ZNRF1: variants seen among roughly 807,000 people sequenced by gnomAD.
The protein encoded by ZNRF1 is E3 ubiquitin-protein ligase ZNRF1.
In ZNRF1, 3 loss-of-function variants were observed where a neutral mutation model predicts 18.4. That is an observed-to-expected ratio of 0.16 (90% CI 0.07 to 0.42). The LOEUF (loss-of-function observed/expected upper bound fraction) is 0.42. Among genes scored for constraint, ZNRF1 ranks in the 10% least tolerant of loss-of-function variants. The pLI is 0.99. For missense variants in ZNRF1, 310 were observed against 329.8 expected (o/e 0.94, Z 0.47); for synonymous variants, 157 against 144.2 (o/e 1.09, Z -0.64).
At chr16:75,102,578 G>A (rs912818029) in intron 2 of ZNRF1, among the ~76,000 whole-genome samples, 1 of 152,090 alleles carries the variant, frequency 6.6e-6, no homozygotes, top group Non-Finnish European at 1.5e-5. Context: ...TGTTCACGTC[G>A]CCTCTTTTCA....
At chr16:75,010,703 TTTTTTTTG>T (rs1356189504) in intron 1 of ZNRF1, among the ~76,000 whole-genome samples, 1,034 of 42,176 alleles carry the variant, frequency 0.025, 27 homozygotes, top group African/African-American at 0.036. Context: ...ACTGTACTGT[TTTTTTTTG>T]TTTTTTTGTT....
At chr16:75,044,949 A>G (rs1433789528) in intron 1 of ZNRF1, among the ~76,000 whole-genome samples, 5 of 152,218 alleles carry the variant, frequency 3.3e-5, no homozygotes, top group African/African-American at 1.2e-4. Flanking sequence ...CTAATGTTGC[A>G]TAATACTTCC....
At chr16:75,041,953 G>C (rs2035453810) in intron 1 of ZNRF1, among the ~76,000 whole-genome samples, 1 of 152,080 alleles carries the variant, frequency 6.6e-6, no homozygotes, top group Admixed American at 6.6e-5. Flanking sequence ...CTGAGATCAT[G>C]CCACTGCAGT....
chr16:75,104,431 C>CGT lies in ZNRF1; in HGVS notation c.521-346_521-345dup, dbSNP rs1452550506. ...AAACCAGACATCAGCACACTGGCTACGTGTGTGTTTAGGAAAGCATCTGTG... is the reference window on the plus strand; with the variant it reads ...AAACCAGACATCAGCACACTGGCTACGTGTGTGTGTTTAGGAAAGCATCTGTG... On this transcript the variant is annotated intron_variant, in intron 2 of 4. Coordinates refer to ENST00000335325, the MANE Select transcript of ZNRF1 (RefSeq NM_032268.5). The CGT allele has an allele frequency of 4.4e-5, 9 of 203,118 alleles. No individual in the cohort carries two copies. The South Asian group carries it at 6.8e-4, about 15-fold the overall frequency. The allele number at this position is 203,118 out of a possible 1,614,324, so 12.6% of individuals were successfully genotyped here.
At chr16:75,030,084 C>G (rs1250837297) in intron 1 of ZNRF1, among the ~76,000 whole-genome samples, 1 of 147,560 alleles carries the variant, frequency 6.8e-6, no homozygotes, top group East Asian at 2.0e-4. Flanking sequence ...AAAAAAAAAC[C>G]TGTTATTGAA....
At chr16:75,029,684 G>T (rs186595513) in intron 1 of ZNRF1, among the ~76,000 whole-genome samples, 1 of 151,760 alleles carries the variant, frequency 6.6e-6, no homozygotes, top group African/African-American at 2.4e-5. Flanking sequence ...TTGGAGAATC[G>T]CTTGAACCTA....
At chr16:75,001,258 T>C (rs773449030) in intron 1 of ZNRF1, among the ~76,000 whole-genome samples, 1 of 152,174 alleles carries the variant, frequency 6.6e-6, no homozygotes, top group African/African-American at 2.4e-5. Context: ...GGGTTGACTT[T>C]TGGGGTATCT....
chr16:75,051,166 G>A (rs1173494683), intron 1 of ZNRF1, among the ~76,000 whole-genome samples: 1 of 151,942 alleles, frequency 6.6e-6, no homozygotes, highest in Non-Finnish European at 1.5e-5. Context: ...GCACTGTACG[G>A]GTGACAGACC....
chr16:75,068,835 C>T (rs550644080), intron 1 of ZNRF1, among the ~76,000 whole-genome samples: 21 of 152,232 alleles, frequency 1.4e-4, no homozygotes, highest in African/African-American at 5.1e-4. Context: ...AACACACTTC[C>T]CTTTTCACCC....
intron 1 of ZNRF1, among the ~76,000 whole-genome samples, chr16:75,075,838 G>A (rs1006245455): frequency 1.3e-5 from 2 of 152,194 alleles, no homozygotes; most frequent in Non-Finnish European, 2.9e-5. Context: ...CCGTGGAAAG[G>A]ATGGTTTTAG....
chr16:75,062,763 C>G lies in ZNRF1; in HGVS notation c.425-30809C>G, dbSNP rs374969574. Reference sequence around the variant, plus strand: ...GTCCGGAGGGCCTGGCCGTATGACACACACAGGAGGAACGAGGAGGAATCT... The same window carrying G: ...GTCCGGAGGGCCTGGCCGTATGACAGACACAGGAGGAACGAGGAGGAATCT... On this transcript the variant is annotated intron_variant, in intron 1 of 4. Transcript: ENST00000335325. Among the ~76,000 whole-genome samples, 6 of 152,350 alleles carry G rather than the reference C, an allele frequency of 3.9e-5. No individual in the cohort carries two copies. The South Asian group carries it at 1.2e-3, about 32-fold the overall frequency.
In ZNRF1 at chr16:75,025,093, A is replaced by G. The variant is rs1379033112; in HGVS notation, c.424+24998A>G. On this transcript the variant is annotated intron_variant, in intron 1 of 4. Coordinates refer to ENST00000335325, the MANE Select transcript of ZNRF1 (RefSeq NM_032268.5). ...TTAATTAATTTATTTTTTGAGACAG[A>G]GTTGCACTCTGTTGCCCAGGCTGGA... Among the ~76,000 whole-genome samples the G allele has an allele frequency of 3.3e-5, 5 of 152,210 alleles. No homozygotes were observed. The East Asian group carries it at 5.8e-4, about 18-fold the overall frequency.
chr16:75,004,913 G>A (rs2034899346), intron 1 of ZNRF1, among the ~76,000 whole-genome samples: 1 of 152,172 alleles, frequency 6.6e-6, no homozygotes, highest in Non-Finnish European at 1.5e-5. Flanking sequence ...ACCACGCCTG[G>A]CCCAACGTGG....
rs368896321 is a variant in ZNRF1 at position 75,096,862 on chromosome 16, A to G, written c.520+3195A>G. Among the ~76,000 whole-genome samples, 9 of 152,212 alleles carry G rather than the reference A, an allele frequency of 5.9e-5. No homozygotes were observed. The South Asian group carries it at 1.2e-3, about 21-fold the overall frequency. On this transcript the variant is annotated intron_variant, in intron 2 of 4. Transcript: ENST00000335325. ...TGCCTGCTAGCTTAGAAAAAACACA[A>G]CTTAGGAAAGGCGAGACTAGTTTAA...
intron 2 of ZNRF1, chr16:75,095,726 C>T (rs1196889465): frequency 1.3e-6 from 2 of 1,543,754 alleles, no homozygotes; most frequent in Non-Finnish European, 8.8e-7. Flanking sequence ...GAGTTACCCC[C>T]ACTGCCCTGT....
chr16:75,078,269 A>T (rs1391917974), intron 1 of ZNRF1, among the ~76,000 whole-genome samples: 5 of 123,470 alleles, frequency 4.0e-5, no homozygotes, highest in Non-Finnish European at 7.2e-5. Context: ...TGTTTTTTTA[A>T]TTCTCTTCCA....
chr16:75,083,786 A>C (rs1330932034), intron 1 of ZNRF1, among the ~76,000 whole-genome samples: 1 of 152,158 alleles, frequency 6.6e-6, no homozygotes, highest in African/African-American at 2.4e-5. Context: ...TCCAGAGAAA[A>C]TGCACAGAGA....
At chr16:75,018,242 C>T (rs2035096734) in intron 1 of ZNRF1, among the ~76,000 whole-genome samples, 1 of 152,104 alleles carries the variant, frequency 6.6e-6, no homozygotes, top group South Asian at 2.1e-4. Context: ...AGTTTTGGTC[C>T]TTACTGTTAA....
chr16:75,049,549 C>T (rs1228390878), intron 1 of ZNRF1, among the ~76,000 whole-genome samples: 3 of 152,114 alleles, frequency 2.0e-5, no homozygotes, highest in Non-Finnish European at 2.9e-5. Context: ...GTAATCCTAA[C>T]ACTTTGGGAG....
Sources: gnomAD v4.1 joint callset for allele counts (sites outside exome capture counted in the v4.1 genomes callset) on GRCh38, gnomAD v4.1.1 for gene constraint, MANE v1.5 for transcripts, NCBI Gene and HGNC (gene_info 2026-07-23, HGNC 2026-07-21) for gene names.